The following TXLNB variants were observed in gnomAD, a reference collection of about 807,000 sequenced individuals.
The protein encoded by TXLNB is beta-taxilin.
TXLNB carries 37 observed loss-of-function variants against 57.4 expected under a neutral mutation model. The observed-to-expected ratio is 0.64, with a 90% CI of 0.50 to 0.85. TXLNB has a LOEUF of 0.85. Ranked by LOEUF, TXLNB falls within the 40% of genes least tolerant of loss-of-function variation. TXLNB has a pLI of 0.00. For missense variants in TXLNB, 848 were observed against 825.6 expected, an observed-to-expected ratio of 1.03 and a Z score of -0.33; for synonymous variants, 302 against 309.6, an observed-to-expected ratio of 0.98 and a Z score of 0.26.
intron 3 of TXLNB, among the ~76,000 whole-genome samples, chr6:139,275,222 C>T (rs761108544): frequency 6.6e-5 from 10 of 151,996 alleles, no homozygotes; most frequent in Admixed American, 6.6e-5. Context: ...TTTGGTAAAG[C>T]AAAACAGTGA....
intron 9 of TXLNB, 110 bp downstream of exon 9, chr6:139,244,485 C>A: frequency 2.6e-6 from 2 of 768,876 alleles, no homozygotes; most frequent in Non-Finnish European, 4.4e-6. Context: ...CCAAATTCAA[C>A]TCTTTTTCAC....
At chr6:139,165,258 A>T in the TXLNB span, among the ~76,000 whole-genome samples, 1 of 152,220 alleles carries the variant, frequency 6.6e-6, no homozygotes, top group Non-Finnish European at 1.5e-5. Flanking sequence ...TTTTAAAAAA[A>T]CAGATTTTAT....
At chr6:139,315,604 G>A in the TXLNB span, among the ~76,000 whole-genome samples, 1 of 152,146 alleles carries the variant, frequency 6.6e-6, no homozygotes, top group Non-Finnish European at 1.5e-5. Context: ...TGAATACAAA[G>A]TTCACACAAA....
chr6:139,186,940 G>A, the TXLNB span, among the ~76,000 whole-genome samples: 1 of 152,188 alleles, frequency 6.6e-6, no homozygotes, highest in African/African-American at 2.4e-5. Flanking sequence ...TGGTTGCCTG[G>A]AGATGGGTGG....
chr6:139,300,523 A>G, the TXLNB span, among the ~76,000 whole-genome samples: 24 of 152,166 alleles, frequency 1.6e-4, no homozygotes, highest in Admixed American at 1.3e-3. Flanking sequence ...AAGGGAGCCC[A>G]TTACCTGAAC....
At chr6:139,176,927 T>C in the TXLNB span, 2 of 862,892 alleles carry the variant, frequency 2.3e-6, no homozygotes, top group Admixed American at 3.4e-5. The surrounding 1 kb of genome is among the most constrained non-coding windows in gnomAD (Gnocchi z 4.5). Context: ...GCTGATGGTG[T>C]CTGTTTCCCC....
intron 1 of TXLNB, among the ~76,000 whole-genome samples, chr6:139,291,237 A>T (rs185035580): frequency 1.2e-4 from 19 of 152,324 alleles, no homozygotes; most frequent in Admixed American, 4.6e-4. Context: ...AAATCAAGAG[A>T]ATCGTTTTTC....
chr6:139,319,231 A>C, the TXLNB span, among the ~76,000 whole-genome samples: 2 of 149,504 alleles, frequency 1.3e-5, no homozygotes, highest in African/African-American at 4.9e-5. Context: ...CATGAGCACC[A>C]CACCCAGCCA....
the TXLNB span, among the ~76,000 whole-genome samples, chr6:139,175,925 C>T: frequency 1.2e-4 from 18 of 152,088 alleles, no homozygotes; most frequent in Admixed American, 2.6e-4. Flanking sequence ...AAAATATGTT[C>T]GATTATTGTT....
chr6:139,217,862 C>G, the TXLNB span, among the ~76,000 whole-genome samples: 1 of 97,070 alleles, frequency 1.0e-5, no homozygotes, highest in Non-Finnish European at 1.8e-5. Context: ...GAGCAAGAGT[C>G]TCAAAAAAAA....
the TXLNB span, among the ~76,000 whole-genome samples, chr6:139,174,766 A>T: frequency 6.6e-6 from 1 of 152,190 alleles, no homozygotes; most frequent in African/African-American, 2.4e-5. Flanking sequence ...ATTAGGTCAA[A>T]AGAACAGGTT....
intron 3 of TXLNB, among the ~76,000 whole-genome samples, chr6:139,271,192 C>A (rs1219918871): frequency 1.3e-5 from 2 of 152,092 alleles, no homozygotes; most frequent in Non-Finnish European, 2.9e-5. Flanking sequence ...GAGAAAGTAC[C>A]CTTCCACTAC....
Position 139,243,159 on chromosome 6 carries a change from G to A in TXLNB, c.1422C>T (p.Ser474=), listed in dbSNP as rs754690456. 12 of 1,614,112 alleles carry A rather than the reference G, an allele frequency of 7.4e-6. No homozygotes were observed. In the African/African-American group the frequency reaches 1.5e-4, roughly 20 times the overall value. The change falls in exon 10 of 10, where the codon TCC becomes TCT. Residue 474 remains serine (S), a synonymous_variant. Coordinates refer to ENST00000358430, the MANE Select transcript of TXLNB (RefSeq NM_153235.4). ...AGACGTTTGACTCTGGCTCTTCATC[G>A]GAGTTGTGCTGACTTTGGTCATCCT... The part of the protein sequence containing the change: ...SEKDDQSQHN[S]DEEPESNVSV...
chr6:139,237,526 A>G (rs1051894438), downstream of TXLNB: 6 of 151,096 alleles, frequency 4.0e-5, 1 homozygote, highest in South Asian at 1.0e-3. Flanking sequence ...AAAAAAAAAA[A>G]GAAAAGAAAA....
the TXLNB span, among the ~76,000 whole-genome samples, chr6:139,163,352 C>CT: frequency 1.6e-3 from 227 of 142,418 alleles, 1 homozygote; most frequent in South Asian, 0.018. Context: ...GTTCTCCATT[C>CT]TTTTTTTTTT....
chr6:139,298,879 CA>C, the TXLNB span, among the ~76,000 whole-genome samples: 1 of 152,156 alleles, frequency 6.6e-6, no homozygotes, highest in African/African-American at 2.4e-5. Flanking sequence ...TTAGTTTCCA[CA>C]AGAACTGATT....
chr6:139,267,875 G>A (rs1385490541), intron 4 of TXLNB, among the ~76,000 whole-genome samples: 1 of 152,102 alleles, frequency 6.6e-6, no homozygotes, highest in Non-Finnish European at 1.5e-5. Flanking sequence ...ATTACTGGTC[G>A]GGCGTGGTGG....
At chr6:139,181,403 G>A in the TXLNB span, among the ~76,000 whole-genome samples, 1 of 152,290 alleles carries the variant, frequency 6.6e-6, no homozygotes, top group Non-Finnish European at 1.5e-5. Flanking sequence ...CTCAAGTCCT[G>A]TGCCATCCTG....
Position 139,255,725 on chromosome 6 carries a change from A to C in TXLNB, c.1003-87T>G, listed in dbSNP as rs974346546. ...TGTAATTTGTCTACAAAACTTAGCA[A>C]CCTGCTCATTAACCTCCTTAAGTAA... On this transcript the variant is annotated intron_variant, in intron 6 of 9. Transcript: ENST00000358430. 3 of 995,872 alleles carry C rather than the reference A, an allele frequency of 3.0e-6. No individual in the cohort carries two copies. The African/African-American group carries it at 5.0e-5, about 16-fold the overall frequency. 61.7% of individuals were successfully genotyped at this position (995,872 alleles called of 1,614,324 possible). A position where few individuals can be genotyped will look rare whatever the true frequency, so the allele number is the denominator to read the frequency against.
Sources: allele counts gnomAD v4.1 joint callset (sites outside exome capture counted in the v4.1 genomes callset), GRCh38; gene constraint gnomAD v4.1.1; non-coding constraint Gnocchi (gnomAD v3.1); transcripts MANE v1.5; gene names NCBI Gene and HGNC (gene_info 2026-07-23, HGNC 2026-07-21).